Variants in RP1 observed in about 807,000 individuals in gnomAD.
The protein encoded by RP1 is oxygen-regulated protein 1.
In RP1, 16 loss-of-function variants were observed where a neutral mutation model predicts 14.8. The ratio of observed to expected loss-of-function variants is 1.08; its 90% CI spans 0.73 to 1.65. RP1 has a LOEUF of 1.65. Ranked by LOEUF, RP1 falls within the 40% of genes most tolerant of loss-of-function variation. The pLI is 0.00. For synonymous variants in RP1, 876 were observed against 883.6 expected, an observed-to-expected ratio of 0.99 and a Z score of 0.15; for missense variants, 2,631 against 2,535.0, an observed-to-expected ratio of 1.04 and a Z score of -0.81.
intron 12 of RP1, among the ~76,000 whole-genome samples, chr8:54,684,991 G>A (rs531359915): frequency 1.6e-4 from 25 of 152,278 alleles, no homozygotes; most frequent in Admixed American, 1.0e-3. Flanking sequence ...CTTGTTGTGG[G>A]AGGGCAGAGG....
chr8:54,754,817 T>C, exon 20 of RP1: 2 of 1,521,978 alleles, frequency 1.3e-6, no homozygotes, highest in South Asian at 1.2e-5. Context: ...CCATGCAACA[T>C]ATGAAAAGCA....
In RP1 at chr8:54,628,869, G is replaced by C; in HGVS notation, c.4987G>C (p.Glu1663Gln). The C allele has an allele frequency of 6.2e-7, 1 of 1,614,060 alleles. No homozygotes were observed. Among genetic ancestry groups the C allele is most frequent in the South Asian group, 1.1e-5 (1 of 91,070 alleles). Residue 1663 changes from glutamate to glutamine, a missense_variant, in exon 4 of 4, where the codon GAA becomes CAA. By Grantham distance (29) the Glu-to-Gln change is conservative. Transcript: ENST00000220676. ...TCAGGTTTGTCCTTATAATTCTGTG[G>C]AATTTCAGTGTTCCAGGAAAGCAAG... ...KSQVCPYNSVEFQCSRKASLY... is the reference protein window; with the variant it reads ...KSQVCPYNSVQFQCSRKASLY...
At chr8:54,607,106 G>A (rs1474881473) in intron 1 of RP1, among the ~76,000 whole-genome samples, 1 of 152,184 alleles carries the variant, frequency 6.6e-6, no homozygotes, top group East Asian at 1.9e-4. Context: ...TTCCTTTGGA[G>A]GAGGAGAGGC....
chr8:54,747,609 T>G (rs112862009), intron 19 of RP1, among the ~76,000 whole-genome samples: 1 of 152,212 alleles, frequency 6.6e-6, no homozygotes, highest in Non-Finnish European at 1.5e-5. Context: ...ATTTATAATA[T>G]GTGAAGTACG....
At chr8:54,843,344 A>G (rs1196193221) in intron 25 of RP1, among the ~76,000 whole-genome samples, 1 of 152,128 alleles carries the variant, frequency 6.6e-6, no homozygotes, top group African/African-American at 2.4e-5. Flanking sequence ...GGCCTCCCAA[A>G]AGGCTGGGAT....
intron 7 of RP1, among the ~76,000 whole-genome samples, chr8:54,673,642 A>G (rs1277192834): frequency 6.6e-6 from 1 of 152,126 alleles, no homozygotes; most frequent in Non-Finnish European, 1.5e-5. Context: ...CAGGAGGCTG[A>G]AGTAGGAGGA....
At chr8:54,828,559 C>T (rs1433634031) in intron 24 of RP1, among the ~76,000 whole-genome samples, 1 of 152,174 alleles carries the variant, frequency 6.6e-6, no homozygotes, top group African/African-American at 2.4e-5. Flanking sequence ...GATGCTAGTG[C>T]TGGGCTTCTT....
At chr8:54,585,652 G>T (rs10104567) in intron 1 of RP1, among the ~76,000 whole-genome samples, 3,422 of 152,122 alleles carry the variant, frequency 0.022, 130 homozygotes, top group African/African-American at 0.078. Context: ...GGTAGATTTG[G>T]TCTTTTCACA....
intron 19 of RP1, among the ~76,000 whole-genome samples, chr8:54,746,392 G>A (rs1260211659): frequency 2.6e-5 from 4 of 152,078 alleles, no homozygotes; most frequent in African/African-American, 9.7e-5. Flanking sequence ...TACTTTAGAG[G>A]CCTTTGTGAA....
At chr8:54,596,117 C>T (rs1805139181) in intron 1 of RP1, among the ~76,000 whole-genome samples, 1 of 152,124 alleles carries the variant, frequency 6.6e-6, no homozygotes, top group South Asian at 2.1e-4. Context: ...TTCTGTTTCT[C>T]CATAAGACTA....
At chr8:54,866,945 A>C (rs1396894) in intron 28 of RP1, among the ~76,000 whole-genome samples, 97,553 of 152,062 alleles carry the variant, frequency 0.64, 31,984 homozygotes, top group African/African-American at 0.77. Flanking sequence ...TTTATTTATG[A>C]AAAAATATTG....
At chr8:54,758,529 A>C (rs577457437) in intron 21 of RP1, among the ~76,000 whole-genome samples, 1 of 152,228 alleles carries the variant, frequency 6.6e-6, no homozygotes, top group East Asian at 1.9e-4. Flanking sequence ...CATGTCTCAA[A>C]GCATATCAGT....
At chr8:54,735,091 A>G (rs921984760) in intron 18 of RP1, among the ~76,000 whole-genome samples, 1 of 152,156 alleles carries the variant, frequency 6.6e-6, no homozygotes, top group Non-Finnish European at 1.5e-5. Context: ...CTTCTTTTAT[A>G]TACTTGCATA....
intron 12 of RP1, among the ~76,000 whole-genome samples, chr8:54,684,000 T>G (rs1807495160): frequency 1.3e-5 from 2 of 151,834 alleles, no homozygotes; most frequent in African/African-American, 2.4e-5. Context: ...TGAGAGTTTT[T>G]TTTTTTTTTT....
chr8:54,604,878 G>A (rs535496920), intron 1 of RP1, among the ~76,000 whole-genome samples: 47 of 152,158 alleles, frequency 3.1e-4, no homozygotes, highest in African/African-American at 1.0e-3. Flanking sequence ...TGGGATCGGC[G>A]GTGATATCCT....
At chr8:54,705,242 C>T (rs776486376) in intron 14 of RP1, among the ~76,000 whole-genome samples, 11 of 151,832 alleles carry the variant, frequency 7.2e-5, no homozygotes, top group Non-Finnish European at 1.3e-4. Context: ...CTCAAAGTTA[C>T]AGTTTATTAT....
chr8:54,649,365 C>G (rs865780785), intron 4 of RP1, among the ~76,000 whole-genome samples: 1 of 152,122 alleles, frequency 6.6e-6, no homozygotes, highest in Non-Finnish European at 1.5e-5. Flanking sequence ...ATGGTAAACA[C>G]TTATTTTTAT....
At chr8:54,598,969 T>A (rs1467278424) in intron 1 of RP1, among the ~76,000 whole-genome samples, 1 of 152,196 alleles carries the variant, frequency 6.6e-6, no homozygotes, top group Non-Finnish European at 1.5e-5. Flanking sequence ...GGGTTTTTTG[T>A]CCTTGGGGTT....
At chr8:54,771,867 A>C (rs1289060497), downstream of RP1, among the ~76,000 whole-genome samples, 1 of 152,088 alleles carries the variant, frequency 6.6e-6, no homozygotes, top group Non-Finnish European at 1.5e-5. Context: ...GTGGTTAAGA[A>C]TGTTGAAAAG....
Sources: allele counts gnomAD v4.1 joint callset (sites outside exome capture counted in the v4.1 genomes callset), GRCh38; gene constraint gnomAD v4.1.1; transcripts MANE v1.5; gene names NCBI Gene and HGNC (gene_info 2026-07-23, HGNC 2026-07-21).